ARNT: variants seen among roughly 807,000 people sequenced by gnomAD.
ARNT encodes the protein class E basic helix-loop-helix protein 2.
Under a neutral mutation model 105.0 loss-of-function variants are expected in ARNT, and 30 were observed. The observed-to-expected ratio is 0.29, with a 90% CI of 0.21 to 0.39. ARNT has a LOEUF of 0.39. ARNT is among the 10% of genes least tolerant of loss of function. The pLI, the probability that ARNT is intolerant of heterozygous loss-of-function variation, is 1.00. For missense variants in ARNT, 748 were observed against 978.7 expected (o/e 0.76, Z 3.15); for synonymous variants, 304 against 344.0 (o/e 0.88, Z 1.29).
At chr1:150,853,612 A>G (rs923610802) in intron 2 of ARNT, among the ~76,000 whole-genome samples, 9 of 152,230 alleles carry the variant, frequency 5.9e-5, no homozygotes, top group Non-Finnish European at 1.3e-4. Context: ...CATGTAATAT[A>G]TACTTCATTC....
At chr1:150,841,474 C>T (rs1038095208) in intron 5 of ARNT, among the ~76,000 whole-genome samples, 4 of 151,944 alleles carry the variant, frequency 2.6e-5, no homozygotes, top group Non-Finnish European at 4.4e-5. Context: ...ATTTTCTGAA[C>T]AGTGAAAGGG....
chr1:150,824,613 C>T (rs1374985686), intron 13 of ARNT, among the ~76,000 whole-genome samples: 3 of 151,642 alleles, frequency 2.0e-5, no homozygotes, highest in Non-Finnish European at 2.9e-5. Context: ...CACCATCACG[C>T]CCAGCTAATT....
At chr1:150,860,308 C>T (rs1378680326) in intron 1 of ARNT, among the ~76,000 whole-genome samples, 3 of 147,826 alleles carry the variant, frequency 2.0e-5, no homozygotes, top group African/African-American at 2.5e-5. Context: ...CTCCAACTCT[C>T]GGGTTCAAGT....
At chr1:150,855,736 T>TAA (rs769612799) in intron 2 of ARNT, among the ~76,000 whole-genome samples, 5 of 137,038 alleles carry the variant, frequency 3.6e-5, no homozygotes, top group Non-Finnish European at 4.8e-5. Context: ...ACCATGTCTT[T>TAA]AAAAAAAAAA....
chr1:150,816,877 G>A lies in ARNT; in HGVS notation c.1713C>T (p.Gly571=). The change falls in exon 18 of 22, where the codon GGC becomes GGT. Residue 571 remains glycine (G), a synonymous_variant. Coordinates refer to ENST00000358595, the MANE Select transcript of ARNT (RefSeq NM_001668.4). The stretch of plus-strand genomic sequence containing the variant: ...TGGCAGGGACAGTGCTGGAGGAGAT[G>A]CCTTTACTCTGATCTGTGGACCAAA... ...YHNINADQSK[G]ISSSTVPATQ... 1.2e-6 allele frequency: 2 copies of A among 1,604,376 alleles called. No homozygotes were observed. The highest frequency in any genetic ancestry group is 4.5e-5 in the East Asian group (2 of 44,846).
chr1:150,854,162 T>C (rs1469575673), intron 2 of ARNT, among the ~76,000 whole-genome samples: 15 of 152,206 alleles, frequency 9.9e-5, no homozygotes. Context: ...CATAGCTCAC[T>C]GCCACCTTGA....
At chr1:150,851,110 G>A (rs1663364078) in intron 3 of ARNT, among the ~76,000 whole-genome samples, 1 of 151,576 alleles carries the variant, frequency 6.6e-6, no homozygotes, top group African/African-American at 2.4e-5. Context: ...TCCGGGAAGT[G>A]AGGAGCATCT....
intron 11 of ARNT, chr1:150,829,547 A>T: frequency 1.7e-6 from 1 of 586,190 alleles, no homozygotes; most frequent in Non-Finnish European, 3.2e-6. Context: ...ACTTATCTAT[A>T]CTTATGAAAA....
chr1:150,869,356 A>G (rs11204736), intron 1 of ARNT, among the ~76,000 whole-genome samples: 80 of 152,120 alleles, frequency 5.3e-4, no homozygotes, highest in African/African-American at 1.9e-3. Context: ...GGATGCCTGT[A>G]GTCCCAGCTA....
At chr1:150,823,640 C>A (rs908292777) in intron 13 of ARNT, among the ~76,000 whole-genome samples, 1 of 151,720 alleles carries the variant, frequency 6.6e-6, no homozygotes, top group Admixed American at 6.6e-5. Context: ...AACCACCACC[C>A]CTCGGGTTCA....
At chr1:150,850,846 T>A (rs1557926355) in intron 3 of ARNT, among the ~76,000 whole-genome samples, 1 of 150,610 alleles carries the variant, frequency 6.6e-6, no homozygotes, top group Non-Finnish European at 1.5e-5. Flanking sequence ...GGAGGGTCTC[T>A]GCCCCGCAGC....
At chr1:150,869,582 G>A (rs1667145006) in intron 1 of ARNT, among the ~76,000 whole-genome samples, 1 of 148,372 alleles carries the variant, frequency 6.7e-6, no homozygotes, top group African/African-American at 2.5e-5. Context: ...GGCTCACTCT[G>A]TCAACCAGAT....
chr1:150,828,449 T>C (rs989960615), intron 12 of ARNT, among the ~76,000 whole-genome samples: 2 of 152,086 alleles, frequency 1.3e-5, no homozygotes, highest in South Asian at 2.1e-4. Flanking sequence ...TGAAAATTAG[T>C]TGACAAGTAT....
At chr1:150,845,928 A>G (rs1284082406) in intron 4 of ARNT, among the ~76,000 whole-genome samples, 2 of 152,114 alleles carry the variant, frequency 1.3e-5, no homozygotes, top group Non-Finnish European at 2.9e-5. Flanking sequence ...TTACAGAACC[A>G]TTATCTGTAT....
At position 150,814,004 on chromosome 1, in the gene ARNT, C is replaced by A; in HGVS notation, c.2113+73G>T. On this transcript the variant is annotated intron_variant, in intron 20 of 21. Transcript: ENST00000358595. ...TCAGTGTACCCACAACACAGGCAAA[C>A]AACTTTAACTACCAAATCCTTTCTC... 9 of 1,558,606 alleles carry A rather than the reference C, an allele frequency of 5.8e-6. No individual in the cohort carries two copies. In the South Asian group the frequency reaches 9.5e-5, roughly 16 times the overall value.
intron 1 of ARNT, among the ~76,000 whole-genome samples, chr1:150,869,226 C>T (rs1667079835): frequency 6.6e-6 from 1 of 152,080 alleles, no homozygotes; most frequent in Non-Finnish European, 1.5e-5. Flanking sequence ...GCCTATAATC[C>T]CAGCACTTTG....
At chr1:150,813,002 G>A (rs900120135) in intron 21 of ARNT, among the ~76,000 whole-genome samples, 170 bp downstream of exon 21, 3 of 152,122 alleles carry the variant, frequency 2.0e-5, no homozygotes, top group Admixed American at 6.6e-5. Context: ...TCTAGCTTCT[G>A]CAATCTTTTC....
At chr1:150,826,111 C>G (rs764994544) in intron 13 of ARNT, among the ~76,000 whole-genome samples, 4 of 152,052 alleles carry the variant, frequency 2.6e-5, no homozygotes, top group Non-Finnish European at 5.9e-5. Flanking sequence ...CATGGGGTTT[C>G]ACTGTGTTGG....
In ARNT at chr1:150,816,365, G is replaced by A. The variant is rs889509878; in HGVS notation, c.1844C>T (p.Ser615Leu). The A allele has an allele frequency of 9.3e-6, 15 of 1,609,118 alleles. No individual in the cohort carries two copies. The highest frequency in any genetic ancestry group is 1.2e-5 in the Non-Finnish European group (14 of 1,178,796). The change falls in exon 19 of 22, where the codon TCA becomes TTA. Residue 615 changes from serine (S) to leucine (L), a missense_variant. Physicochemically the swap from Ser to Leu is moderately radical, Grantham distance 145 (BLOSUM62 -2). Transcript: ENST00000358595. ...LAPPVTIVQP[S>L]ASAGQMLAQI... ...GGCCAACATCTGTCCTGCAGAAGCT[G>A]ATGGCTGGACAATGGTTACAGGAGG...
Sources: gnomAD v4.1 joint callset for allele counts (sites outside exome capture counted in the v4.1 genomes callset) on GRCh38, gnomAD v4.1.1 for gene constraint, MANE v1.5 for transcripts, NCBI Gene and HGNC (gene_info 2026-07-23, HGNC 2026-07-21) for gene names.